Variants in VDAC1 observed in about 807,000 individuals in gnomAD.
VDAC1 encodes the protein voltage dependent anion channel 1.
A neutral mutation model predicts 34.7 loss-of-function variants in VDAC1; 10 were observed. That is an observed-to-expected ratio of 0.29 (90% CI 0.18 to 0.49). The LOEUF (loss-of-function observed/expected upper bound fraction) is 0.49. VDAC1 is among the 20% of genes least tolerant of loss of function. The pLI is 0.99. For synonymous variants in VDAC1, 130 were observed against 136.0 expected (o/e 0.96, Z 0.30); for missense variants, 230 against 347.9 (o/e 0.66, Z 2.69).
chr5:134,105,746 T>C, the VDAC1 span, among the ~76,000 whole-genome samples: 1 of 152,370 alleles, frequency 6.6e-6, no homozygotes, highest in African/African-American at 2.4e-5. Context: ...GCCTTGCTCC[T>C]GGAGGCCATC....
At chr5:134,014,214 G>A in the VDAC1 span, among the ~76,000 whole-genome samples, 23,175 of 149,534 alleles carry the variant, frequency 0.15, 1,942 homozygotes, top group East Asian at 0.32. Flanking sequence ...ACTTGAATCC[G>A]GGGCGGTGGA....
At chr5:134,047,089 C>T in the VDAC1 span, among the ~76,000 whole-genome samples, 1 of 152,092 alleles carries the variant, frequency 6.6e-6, no homozygotes, top group South Asian at 2.1e-4. Context: ...TGAGATAATG[C>T]CCTTGACCTT....
chr5:133,982,441 G>A (rs1349672554), intron 5 of VDAC1, among the ~76,000 whole-genome samples: 1 of 151,712 alleles, frequency 6.6e-6, no homozygotes, highest in Admixed American at 6.6e-5. Flanking sequence ...GAACCCGGGA[G>A]GCAGAGGTTG....
At chr5:134,026,907 T>C in the VDAC1 span, among the ~76,000 whole-genome samples, 1 of 152,268 alleles carries the variant, frequency 6.6e-6, no homozygotes, top group Non-Finnish European at 1.5e-5. Context: ...GAAATGCTTC[T>C]AAGCCTGAGC....
At chr5:134,071,113 A>C in the VDAC1 span, among the ~76,000 whole-genome samples, 1 of 152,116 alleles carries the variant, frequency 6.6e-6, no homozygotes, top group Non-Finnish European at 1.5e-5. This position sits in a 1 kb window ranked among gnomAD's most constrained non-coding sequence, Gnocchi z 4.1. Context: ...AACCCAACAC[A>C]CCTCGACCCC....
At position 133,975,895 on chromosome 5, in the gene VDAC1, C is replaced by G. The variant is rs573364282; in HGVS notation, c.678G>C (p.Gln226His). ...NTRFGIAAKY[Q>H]IDPDACFSAK... ...CCGAGAAGCAGGCGTCAGGGTCAAT[C>G]TGATACTTGGCTGCTATTCCGAAGC... is the stretch of plus-strand genomic sequence containing the variant. The change falls in exon 7 of 9, where the codon CAG (glutamine) becomes CAC (histidine). Residue 226 changes from glutamine (Q) to histidine (H), a missense_variant. Physicochemically the swap from Gln to His is conservative, Grantham distance 24. Coordinates refer to ENST00000265333, the MANE Select transcript of VDAC1 (RefSeq NM_003374.3). 1 of 1,612,094 alleles carries G rather than the reference C, an allele frequency of 6.2e-7. No individual in the cohort carries two copies. Among genetic ancestry groups the G allele is most frequent in the South Asian group, 1.1e-5 (1 of 90,972 alleles).
the VDAC1 span, among the ~76,000 whole-genome samples, chr5:134,095,127 G>A: frequency 0.022 from 3,304 of 152,238 alleles, 114 homozygotes; most frequent in African/African-American, 0.075. Flanking sequence ...TAAATAAAAC[G>A]GTTGTTTTCT....
the VDAC1 span, among the ~76,000 whole-genome samples, chr5:134,028,965 A>G: frequency 1.3e-5 from 2 of 152,218 alleles, no homozygotes; most frequent in Non-Finnish European, 2.9e-5. Flanking sequence ...CGGCCATGTC[A>G]TAAGGACACT....
the VDAC1 span, among the ~76,000 whole-genome samples, chr5:134,034,178 C>T: frequency 6.7e-5 from 3 of 44,988 alleles, no homozygotes; most frequent in South Asian, 5.9e-4. Context: ...CTGTGTCACG[C>T]GCAAAAAAAA....
chr5:134,021,563 A>AAC, the VDAC1 span, among the ~76,000 whole-genome samples: 1 of 151,672 alleles, frequency 6.6e-6, no homozygotes, highest in South Asian at 2.1e-4. Flanking sequence ...GTCTTAAAAA[A>AAC]AAAAAAAAGA....
chr5:134,070,054 A>G, the VDAC1 span, among the ~76,000 whole-genome samples: 1 of 152,136 alleles, frequency 6.6e-6, no homozygotes, highest in Non-Finnish European at 1.5e-5. Context: ...CCCCTTGTTT[A>G]GCATGTGATA....
At chr5:134,106,923 G>A in the VDAC1 span, among the ~76,000 whole-genome samples, 2 of 152,144 alleles carry the variant, frequency 1.3e-5, no homozygotes, top group African/African-American at 4.8e-5. Flanking sequence ...GGGGTGGCTG[G>A]CTTAAGAATA....
At chr5:133,980,700 C>T in intron 6 of VDAC1, 29 bp downstream of exon 6, 3 of 780,230 alleles carry the variant, frequency 3.8e-6, no homozygotes, top group South Asian at 1.6e-5. Context: ...CCCCACCCCT[C>T]CCACCCTGCT....
the VDAC1 span, among the ~76,000 whole-genome samples, chr5:134,026,518 A>G: frequency 1.8e-5 from 1 of 56,286 alleles, no homozygotes; most frequent in Non-Finnish European, 4.1e-5. Flanking sequence ...CCGTCTCAGA[A>G]AAAAAAAAAA....
At chr5:134,065,789 A>ATTTT in the VDAC1 span, among the ~76,000 whole-genome samples, 410 of 99,720 alleles carry the variant, frequency 4.1e-3, 1 homozygote, top group East Asian at 5.6e-3. Flanking sequence ...CAGATAGTAA[A>ATTTT]TTTTTTTTTT....
At chr5:134,063,551 G>T in the VDAC1 span, among the ~76,000 whole-genome samples, 1 of 152,124 alleles carries the variant, frequency 6.6e-6, no homozygotes, top group Non-Finnish European at 1.5e-5. Flanking sequence ...GGGGCTTGCT[G>T]TATTTTGCTG....
At chr5:133,996,384 C>T (rs1248273714) in intron 1 of VDAC1, among the ~76,000 whole-genome samples, 1 of 152,176 alleles carries the variant, frequency 6.6e-6, no homozygotes, top group East Asian at 1.9e-4. Flanking sequence ...AAGCCCCATT[C>T]CAGCTGAGGA....
the VDAC1 span, among the ~76,000 whole-genome samples, chr5:134,080,404 T>C: frequency 6.6e-6 from 1 of 151,014 alleles, no homozygotes; most frequent in African/African-American, 2.4e-5. Context: ...CTGTGGGACC[T>C]GGGGCAGAGC....
the VDAC1 span, among the ~76,000 whole-genome samples, chr5:134,063,019 T>C: frequency 1.3e-5 from 2 of 152,370 alleles, no homozygotes; most frequent in East Asian, 3.9e-4. Context: ...GGCCTATAGT[T>C]TCCCAGTATG....
Sources: gnomAD v4.1 joint callset for allele counts (sites outside exome capture counted in the v4.1 genomes callset) on GRCh38, gnomAD v4.1.1 for gene constraint, Gnocchi (gnomAD v3.1) non-coding constraint, MANE v1.5 for transcripts, NCBI Gene and HGNC (gene_info 2026-07-23, HGNC 2026-07-21) for gene names.